Variants in ZDHHC14 observed in about 807,000 individuals in gnomAD.
ZDHHC14 encodes the protein zDHHC palmitoyltransferase 14, also known as palmitoyltransferase ZDHHC14.
Under a neutral mutation model 47.7 loss-of-function variants are expected in ZDHHC14, and 16 were observed. The ratio of observed to expected loss-of-function variants is 0.34; its 90% confidence interval spans 0.23 to 0.51. The LOEUF is 0.51. Among genes scored for constraint, ZDHHC14 ranks in the 20% least tolerant of loss-of-function variants. ZDHHC14 has a pLI of 0.97. For synonymous variants in ZDHHC14, 293 were observed against 278.9 expected (o/e 1.05, Z -0.50); for missense variants, 515 against 662.5 (o/e 0.78, Z 2.44).
At chr6:157,444,234 A>G (rs1242521966) in intron 1 of ZDHHC14, among the ~76,000 whole-genome samples, 2 of 152,234 alleles carry the variant, frequency 1.3e-5, no homozygotes, top group African/African-American at 4.8e-5. Flanking sequence ...GTTAGTGAGC[A>G]TATCATACTT....
intron 1 of ZDHHC14, among the ~76,000 whole-genome samples, chr6:157,397,342 G>C (rs532260691): frequency 6.6e-6 from 1 of 152,308 alleles, no homozygotes; most frequent in African/African-American, 2.4e-5. Context: ...CTGTACATCA[G>C]AAGTCTAGTC....
intron 1 of ZDHHC14, among the ~76,000 whole-genome samples, chr6:157,404,354 C>T (rs192967273): frequency 5.8e-4 from 88 of 152,242 alleles, no homozygotes; most frequent in Non-Finnish European, 1.0e-3. Flanking sequence ...AGACTGGTCT[C>T]GAACCCCTGA....
In ZDHHC14 at chr6:157,568,998, A is replaced by G. The variant is rs913558093; in HGVS notation, c.407-23990A>G. 2.6e-5 allele frequency among the ~76,000 whole-genome samples: 4 copies of G among 151,966 alleles called. No individual in the cohort carries two copies. In the East Asian group the frequency reaches 7.7e-4, roughly 29 times the overall value. ...CTCTTTAAAGATACTACCCTTTGTTATATATGTTACAAATATTTTTCTACT... is the reference window on the plus strand; with the variant it reads ...CTCTTTAAAGATACTACCCTTTGTTGTATATGTTACAAATATTTTTCTACT... On this transcript the variant is annotated intron_variant, in intron 2 of 8. Transcript: ENST00000359775.
At chr6:157,515,640 G>GT (rs1207677426) in intron 1 of ZDHHC14, among the ~76,000 whole-genome samples, 1 of 151,176 alleles carries the variant, frequency 6.6e-6, no homozygotes, top group Admixed American at 6.6e-5. Context: ...ATTTTTTCGT[G>GT]TTTTTTAGTA....
chr6:157,553,660 A>G (rs1436323913), intron 2 of ZDHHC14, among the ~76,000 whole-genome samples: 1 of 151,948 alleles, frequency 6.6e-6, no homozygotes, highest in African/African-American at 2.4e-5. Flanking sequence ...GGGGAAATAC[A>G]GCCTGCTCTG....
intron 1 of ZDHHC14, among the ~76,000 whole-genome samples, chr6:157,390,044 C>T (rs1323933413): frequency 1.3e-5 from 2 of 151,872 alleles, no homozygotes; most frequent in African/African-American, 4.8e-5. Flanking sequence ...ATATCATTTT[C>T]CGTTGGCTTA....
At chr6:157,643,837 T>C (rs1777383857) in intron 5 of ZDHHC14, among the ~76,000 whole-genome samples, 1 of 151,554 alleles carries the variant, frequency 6.6e-6, no homozygotes. Flanking sequence ...TTTCATATGG[T>C]TCATACATAG....
intron 2 of ZDHHC14, among the ~76,000 whole-genome samples, chr6:157,575,996 C>T (rs977671993): frequency 5.3e-5 from 8 of 152,212 alleles, no homozygotes; most frequent in African/African-American, 1.9e-4. Flanking sequence ...ATGTTCCTCG[C>T]TCTCTTGCTT....
At chr6:157,391,148 G>A (rs139178271) in intron 1 of ZDHHC14, among the ~76,000 whole-genome samples, 71 of 152,282 alleles carry the variant, frequency 4.7e-4, no homozygotes, top group African/African-American at 1.6e-3. Flanking sequence ...TGAAATCTGA[G>A]CCCTGGAAAA....
At chr6:157,630,699 TCA>T (rs961685913) in intron 4 of ZDHHC14, 2 of 144,712 alleles carry the variant, frequency 1.4e-5, no homozygotes, top group African/African-American at 2.6e-5. Context: ...ACCAATAAGC[TCA>T]CACACATACC....
intron 1 of ZDHHC14, among the ~76,000 whole-genome samples, chr6:157,387,706 A>G (rs917419063): frequency 1.3e-5 from 2 of 152,238 alleles, no homozygotes; most frequent in Admixed American, 6.5e-5. Context: ...ATTTGTGTAC[A>G]TGATCAACAC....
intron 1 of ZDHHC14, among the ~76,000 whole-genome samples, chr6:157,540,077 G>A (rs141864343): frequency 3.9e-5 from 6 of 152,262 alleles, no homozygotes; most frequent in East Asian, 3.9e-4. Flanking sequence ...TAGAGAACCC[G>A]GCAGGCAGTA....
chr6:157,583,305 G>A (rs1266950007), intron 2 of ZDHHC14, among the ~76,000 whole-genome samples: 1 of 152,136 alleles, frequency 6.6e-6, no homozygotes, highest in African/African-American at 2.4e-5. Context: ...TATTTGAGTT[G>A]CCAGAGTTCT....
chr6:157,536,786 C>T (rs1391565200), intron 1 of ZDHHC14, among the ~76,000 whole-genome samples: 1 of 146,980 alleles, frequency 6.8e-6, no homozygotes, highest in Non-Finnish European at 1.5e-5. Context: ...TATCTGTCTG[C>T]CTGTCTGTCT....
At chr6:157,448,904 G>A (rs1181844154) in intron 1 of ZDHHC14, among the ~76,000 whole-genome samples, 1 of 152,176 alleles carries the variant, frequency 6.6e-6, no homozygotes, top group Non-Finnish European at 1.5e-5. Context: ...AGTCCATTTG[G>A]TTGTCATAAA....
chr6:157,399,336 G>T (rs1441852630), intron 1 of ZDHHC14, among the ~76,000 whole-genome samples: 1 of 151,306 alleles, frequency 6.6e-6, no homozygotes, highest in Non-Finnish European at 1.5e-5. Context: ...GGGTGCCATT[G>T]TCTGTTGCCA....
At chr6:157,583,123 T>A (rs1307864521) in intron 2 of ZDHHC14, among the ~76,000 whole-genome samples, 1 of 152,124 alleles carries the variant, frequency 6.6e-6, no homozygotes, top group East Asian at 1.9e-4. Context: ...TCTGTATCAT[T>A]TTATTGCAAT....
intron 1 of ZDHHC14, among the ~76,000 whole-genome samples, chr6:157,513,661 AT>A (rs2114753950): frequency 6.6e-6 from 1 of 152,274 alleles, no homozygotes; most frequent in Non-Finnish European, 1.5e-5. Context: ...TTGTTATGTG[AT>A]TGTACTATTT....
At chr6:157,566,965 C>G (rs1178199112) in intron 2 of ZDHHC14, among the ~76,000 whole-genome samples, 1 of 151,770 alleles carries the variant, frequency 6.6e-6, no homozygotes, top group Non-Finnish European at 1.5e-5. Flanking sequence ...ATTCTCCTGC[C>G]TCAGCCTCCA....
Sources: allele counts gnomAD v4.1 joint callset (sites outside exome capture counted in the v4.1 genomes callset), GRCh38; gene constraint gnomAD v4.1.1; transcripts MANE v1.5; gene names NCBI Gene and HGNC (gene_info 2026-07-23, HGNC 2026-07-21).